The following ENTREP2 variants were observed in gnomAD, a reference collection of about 807,000 sequenced individuals.
ENTREP2 encodes the protein protein ENTREP2.
chr15:29,189,990 A>C, the ENTREP2 span, among the ~76,000 whole-genome samples: 1 of 152,160 alleles, frequency 6.6e-6, no homozygotes, highest in Non-Finnish European at 1.5e-5. Flanking sequence ...TAATTTTTAG[A>C]CCCTATTTCC....
the ENTREP2 span, among the ~76,000 whole-genome samples, chr15:29,401,827 AC>A: frequency 2.0e-5 from 3 of 152,216 alleles, no homozygotes; most frequent in Non-Finnish European, 4.4e-5. Context: ...TATTTATGCC[AC>A]TGTGGAATGA....
At chr15:29,656,962 T>C in the ENTREP2 span, among the ~76,000 whole-genome samples, 1 of 152,170 alleles carries the variant, frequency 6.6e-6, no homozygotes, top group Non-Finnish European at 1.5e-5. Flanking sequence ...CCTCACCTTG[T>C]GATTATGTGT....
the ENTREP2 span, among the ~76,000 whole-genome samples, chr15:29,563,118 A>G: frequency 2.0e-5 from 3 of 152,108 alleles, no homozygotes; most frequent in African/African-American, 7.2e-5. Flanking sequence ...TTTAAAATCC[A>G]TTATTTTACA....
the ENTREP2 span, among the ~76,000 whole-genome samples, chr15:29,138,438 A>G: frequency 6.6e-6 from 1 of 152,190 alleles, no homozygotes; most frequent in East Asian, 1.9e-4. Flanking sequence ...CTACACGGCA[A>G]GAAGATCCAT....
the ENTREP2 span, among the ~76,000 whole-genome samples, chr15:29,187,234 A>G: frequency 2.0e-5 from 3 of 152,142 alleles, no homozygotes; most frequent in Admixed American, 6.6e-5. Flanking sequence ...TGAAAACACA[A>G]CATATTACAC....
the ENTREP2 span, among the ~76,000 whole-genome samples, chr15:29,595,811 CT>C: frequency 6.6e-6 from 1 of 152,118 alleles, no homozygotes; most frequent in Non-Finnish European, 1.5e-5. Flanking sequence ...TTATAGCCTC[CT>C]TTTTTTGGTG....
the ENTREP2 span, among the ~76,000 whole-genome samples, chr15:29,598,584 AG>A: frequency 1.3e-5 from 2 of 152,350 alleles, no homozygotes; most frequent in East Asian, 1.9e-4. Flanking sequence ...TTTATCACTA[AG>A]ATTATATCTG....
the ENTREP2 span, chr15:29,128,923 C>T: frequency 8.2e-7 from 1 of 1,216,724 alleles, no homozygotes; most frequent in Non-Finnish European, 1.2e-6. Flanking sequence ...AGCACAGCAG[C>T]CTCCAGTAGT....
the ENTREP2 span, among the ~76,000 whole-genome samples, chr15:29,236,875 T>A: frequency 5.5e-5 from 8 of 145,420 alleles, no homozygotes; most frequent in African/African-American, 1.0e-4. Flanking sequence ...ATAGTTGAAA[T>A]AAAAAAAAGA....
chr15:29,252,106 T>C, the ENTREP2 span, among the ~76,000 whole-genome samples: 2 of 152,220 alleles, frequency 1.3e-5, no homozygotes, highest in Admixed American at 1.3e-4. Context: ...CACTACGTTG[T>C]GATCCTTAAA....
the ENTREP2 span, among the ~76,000 whole-genome samples, chr15:29,548,769 A>G: frequency 3.0e-3 from 451 of 152,342 alleles, no homozygotes; most frequent in African/African-American, 1.0e-2. Flanking sequence ...ATTTTTCATC[A>G]TAAGAGGTGC....
At chr15:29,123,907 G>A in the ENTREP2 span, among the ~76,000 whole-genome samples, 9 of 152,238 alleles carry the variant, frequency 5.9e-5, no homozygotes, top group East Asian at 5.8e-4. Context: ...AGCAGGCAGC[G>A]ACCCACTTCT....
chr15:29,637,628 A>T, the ENTREP2 span, among the ~76,000 whole-genome samples: 1 of 152,198 alleles, frequency 6.6e-6, no homozygotes, highest in Non-Finnish European at 1.5e-5. Flanking sequence ...GAAATTTCAT[A>T]ACCTCAAGGG....
At chr15:29,123,395 CGTT>C in the ENTREP2 span, 3 of 1,547,942 alleles carry the variant, frequency 1.9e-6, no homozygotes, top group South Asian at 2.4e-5. Flanking sequence ...AGGCGCTCCT[CGTT>C]GGTGACAGCC....
the ENTREP2 span, chr15:29,234,599 T>A: frequency 6.6e-7 from 1 of 1,518,230 alleles, no homozygotes. Context: ...TTCACAATCT[T>A]CTTTTGTGCA....
At chr15:29,230,502 T>C in the ENTREP2 span, among the ~76,000 whole-genome samples, 1 of 152,034 alleles carries the variant, frequency 6.6e-6, no homozygotes, top group Non-Finnish European at 1.5e-5. Context: ...CCTAAATAAA[T>C]GTATGATTAC....
chr15:29,208,894 C>A, the ENTREP2 span, among the ~76,000 whole-genome samples: 1 of 152,040 alleles, frequency 6.6e-6, no homozygotes, highest in Non-Finnish European at 1.5e-5. Flanking sequence ...TGAATCTAAC[C>A]GACATGTTGA....
chr15:29,260,813 T>G, the ENTREP2 span, among the ~76,000 whole-genome samples: 1 of 152,148 alleles, frequency 6.6e-6, no homozygotes, highest in East Asian at 1.9e-4. Context: ...AAGAGAATAC[T>G]TTTAAAATAA....
At chr15:29,589,486 A>G in the ENTREP2 span, among the ~76,000 whole-genome samples, 1 of 152,168 alleles carries the variant, frequency 6.6e-6, no homozygotes, top group Non-Finnish European at 1.5e-5. Context: ...CTGTTCTGGA[A>G]TCTGCCTCTG....
Sources: allele counts gnomAD v4.1 joint callset (sites outside exome capture counted in the v4.1 genomes callset), GRCh38; gene constraint gnomAD v4.1.1; transcripts MANE v1.5; gene names NCBI Gene and HGNC (gene_info 2026-07-23, HGNC 2026-07-21).